Variants in USP47 observed in about 807,000 individuals in gnomAD.
The protein encoded by USP47 is ubiquitin carboxyl-terminal hydrolase 47.
In USP47, 35 loss-of-function variants were observed where a neutral mutation model predicts 165.1. That is an observed-to-expected ratio of 0.21 (90% CI 0.16 to 0.28). The LOEUF (loss-of-function observed/expected upper bound fraction) is 0.28, where lower values mean the gene tolerates loss of function less well. Ranked by LOEUF, USP47 falls within the 10% of genes least tolerant of loss-of-function variation. The pLI is 1.00. For synonymous variants in USP47, 531 were observed against 544.5 expected, an observed-to-expected ratio of 0.98 and a Z score of 0.35; for missense variants, 1,277 against 1,607.4, an observed-to-expected ratio of 0.79 and a Z score of 3.52.
chr11:11,934,531 C>A (rs1174536883), intron 16 of USP47, among the ~76,000 whole-genome samples: 4 of 152,056 alleles, frequency 2.6e-5, no homozygotes, highest in African/African-American at 9.7e-5. Flanking sequence ...CCATCACTGG[C>A]CCATGCTCAA....
intron 1 of USP47, among the ~76,000 whole-genome samples, chr11:11,855,144 G>A (rs1455447628): frequency 6.6e-6 from 1 of 151,838 alleles, no homozygotes; most frequent in Non-Finnish European, 1.5e-5. Context: ...CAAAGTGAAA[G>A]TATTAAAAGT....
At chr11:11,849,765 CTT>C (rs1210631315) in intron 1 of USP47, among the ~76,000 whole-genome samples, 1 of 152,104 alleles carries the variant, frequency 6.6e-6, no homozygotes, top group Admixed American at 6.5e-5. Flanking sequence ...CTTTGGCTGT[CTT>C]TGTTTACTTT....
intron 5 of USP47, among the ~76,000 whole-genome samples, chr11:11,900,433 T>C (rs1324060723): frequency 6.6e-6 from 1 of 152,322 alleles, no homozygotes; most frequent in South Asian, 2.1e-4. Flanking sequence ...GTGCTGGGAT[T>C]ACAGGCGTGA....
At chr11:11,930,185 T>G in intron 13 of USP47, 65 bp downstream of exon 13, 1 of 1,435,282 alleles carries the variant, frequency 7.0e-7, no homozygotes, top group Non-Finnish European at 9.7e-7. Context: ...CAGTGTTTTT[T>G]TATCATCAAA....
At chr11:11,918,280 T>C (rs1401547140) in intron 8 of USP47, among the ~76,000 whole-genome samples, 8 of 151,966 alleles carry the variant, frequency 5.3e-5, no homozygotes, top group Non-Finnish European at 8.8e-5. Flanking sequence ...TCAAAAAATA[T>C]CAGTGTTATG....
chr11:11,842,840 T>G (rs1241457694), intron 1 of USP47, among the ~76,000 whole-genome samples: 1 of 10,686 alleles, frequency 9.4e-5, no homozygotes, highest in Non-Finnish European at 1.6e-4. Context: ...AGCTGAACTC[T>G]TTTTTTTTTT....
Position 11,920,149 on chromosome 11 carries a change from T to A in USP47, c.970-7T>A, listed in dbSNP as rs1281597658. 12 of 1,551,954 alleles carry A rather than the reference T, an allele frequency of 7.7e-6. No homozygotes were observed. Among genetic ancestry groups the A allele is most frequent in the Non-Finnish European group, 1.0e-5 (12 of 1,154,594 alleles). ...AGTAATTATAAAACAAATTTTTTTC[T>A]AACTAGGAAGAAGCATTGCATGCAT... On this transcript the variant is annotated splice_region_variant and splice_polypyrimidine_tract_variant and intron_variant, in intron 8 of 27. Coordinates refer to ENST00000527733, the MANE Select transcript of USP47 (RefSeq NM_001282659.2).
chr11:11,844,957 C>T (rs1848345906), intron 1 of USP47, among the ~76,000 whole-genome samples: 1 of 152,108 alleles, frequency 6.6e-6, no homozygotes, highest in South Asian at 2.1e-4. Context: ...CAGATCAGTT[C>T]ACAGCCTGGT....
At chr11:11,900,404 CCCGCCTTGG>C (rs1852146224) in intron 5 of USP47, among the ~76,000 whole-genome samples, 1 of 152,106 alleles carries the variant, frequency 6.6e-6, no homozygotes, top group South Asian at 2.1e-4. Context: ...TCGTGATCCG[CCCGCCTTGG>C]CCTCCCAAAG....
intron 3 of USP47, among the ~76,000 whole-genome samples, chr11:11,890,996 C>G (rs1486152492): frequency 2.6e-5 from 4 of 151,978 alleles, no homozygotes; most frequent in Admixed American, 1.3e-4. Flanking sequence ...ACAACACACA[C>G]TGGGGCATGT....
intron 8 of USP47, among the ~76,000 whole-genome samples, chr11:11,912,046 C>A (rs1012861762): frequency 6.6e-6 from 1 of 151,186 alleles, no homozygotes; most frequent in Non-Finnish European, 1.5e-5. Context: ...TAAAACATAA[C>A]GAATTTTTTT....
At chr11:11,873,201 T>A (rs986430231) in intron 1 of USP47, among the ~76,000 whole-genome samples, 6 of 152,128 alleles carry the variant, frequency 3.9e-5, no homozygotes, top group Admixed American at 3.9e-4. Context: ...TTTTATTAAC[T>A]GAAGAAGGGA....
Position 11,942,954 on chromosome 11 carries a change from C to T in USP47, c.2933C>T (p.Ala978Val), listed in dbSNP as rs1322623175. Residue 978 changes from alanine to valine, a missense_variant, in exon 20 of 28, where the codon GCA becomes GTA. Transcript: ENST00000527733. Reference protein sequence around the residue: ...HSITSSRRTKANEGKKETWDT... With the variant: ...HSITSSRRTKVNEGKKETWDT... Reference sequence around the variant, plus strand: ...ATCACAAGTAGTAGAAGAACGAAAGCAAATGAAGGGAAAAAAGAAACATGG... The same window carrying T: ...ATCACAAGTAGTAGAAGAACGAAAGTAAATGAAGGGAAAAAAGAAACATGG... 5.0e-6 allele frequency: 8 copies of T among 1,613,302 alleles called. No individual in the cohort carries two copies. Among genetic ancestry groups the T allele is most frequent in the Non-Finnish European group, 2.5e-6 (3 of 1,179,662 alleles).
chr11:11,937,530 A>G (rs1046503675), intron 17 of USP47, among the ~76,000 whole-genome samples: 2 of 149,214 alleles, frequency 1.3e-5, no homozygotes, highest in Non-Finnish European at 3.0e-5. Context: ...GACTTCTAAG[A>G]CTCTACCCTA....
intron 27 of USP47, among the ~76,000 whole-genome samples, chr11:11,955,797 T>C (rs1020727264): frequency 5.3e-5 from 8 of 152,238 alleles, no homozygotes; most frequent in African/African-American, 1.7e-4. Flanking sequence ...ACATGGAAGT[T>C]ATTCTCCGCC....
At chr11:11,940,293 T>G in intron 18 of USP47, 136 bp from the exon 19 acceptor site, 1 of 887,672 alleles carries the variant, frequency 1.1e-6, no homozygotes. Context: ...TTCAAAAATT[T>G]TAAAACCTCT....
intron 1 of USP47, among the ~76,000 whole-genome samples, chr11:11,843,821 G>A (rs1848281087): frequency 6.6e-6 from 1 of 152,178 alleles, no homozygotes; most frequent in South Asian, 2.1e-4. Flanking sequence ...AGCAACGGAA[G>A]TTTAAAGATT....
chr11:11,913,506 G>A (rs1017737448), intron 8 of USP47, among the ~76,000 whole-genome samples: 1 of 151,700 alleles, frequency 6.6e-6, no homozygotes, highest in Non-Finnish European at 1.5e-5. Context: ...AATAAGCTAG[G>A]ACCAGAAAGA....
intron 5 of USP47, among the ~76,000 whole-genome samples, chr11:11,898,389 A>G (rs759956905): frequency 2.0e-5 from 3 of 151,908 alleles, no homozygotes; most frequent in Non-Finnish European, 2.9e-5. Flanking sequence ...GTTACTTTCC[A>G]CTAACATCTT....
Sources: allele counts gnomAD v4.1 joint callset (sites outside exome capture counted in the v4.1 genomes callset), GRCh38; gene constraint gnomAD v4.1.1; transcripts MANE v1.5; gene names NCBI Gene and HGNC (gene_info 2026-07-23, HGNC 2026-07-21).